The following SH3KBP1 variants were observed in gnomAD, a reference collection of about 807,000 sequenced individuals.
The protein encoded by SH3KBP1 is SH3 domain containing kinase binding protein 1.
SH3KBP1 carries 8 observed loss-of-function variants against 50.1 expected under a neutral mutation model. The observed-to-expected ratio is 0.16, with a 90% confidence interval of 0.09 to 0.29. The LOEUF (loss-of-function observed/expected upper bound fraction) is 0.29, where lower values mean the gene tolerates loss of function less well. Ranked by LOEUF, SH3KBP1 falls within the 10% of genes least tolerant of loss-of-function variation. SH3KBP1 has a pLI of 1.00. For synonymous variants in SH3KBP1, 227 were observed against 218.6 expected (o/e 1.04, Z -0.34); for missense variants, 377 against 535.2 (o/e 0.70, Z 2.92).
rs2061970223 is a variant in SH3KBP1 at position 19,645,518 on chromosome X, C to T, written c.727-43G>A. ...TGATTTTACTTATCAAGATGATTGT[C>T]TCCATTAAGCAAAGGAATAAGATCC... On this transcript the variant is annotated intron_variant, in intron 6 of 17. Transcript: ENST00000397821. 4.2e-6 allele frequency: 4 copies of T among 956,047 alleles called. No individual in the cohort carries two copies. The Admixed American group carries it at 9.4e-5, about 22-fold the overall frequency. 78.8% of individuals were successfully genotyped at this position (956,047 alleles called of 1,213,427 possible).
chrX:19,640,567 C>T (rs1037336230), intron 7 of SH3KBP1, among the ~76,000 whole-genome samples: 1 of 108,140 alleles, frequency 9.2e-6, no homozygotes, highest in African/African-American at 3.4e-5. Flanking sequence ...CTGGTCACAA[C>T]GAGCCAATAA....
chrX:19,775,209 C>G (rs1448250306), intron 2 of SH3KBP1, among the ~76,000 whole-genome samples: 2 of 111,562 alleles, frequency 1.8e-5, no homozygotes, highest in Non-Finnish European at 3.8e-5. Flanking sequence ...CCTGTAACAT[C>G]CACTCTGTTC....
At chrX:19,731,883 GAATGAAATGCAGCCCCAAATATATAAAAA>G (rs1454737694) in intron 3 of SH3KBP1, among the ~76,000 whole-genome samples, 1 of 111,644 alleles carries the variant, frequency 9.0e-6, no homozygotes, top group African/African-American at 3.3e-5. Context: ...TGCATTAATA[GAATGAAATGCAGCCCCAAATATATAAAAA>G]AATTCATTTA....
intron 6 of SH3KBP1, among the ~76,000 whole-genome samples, chrX:19,667,839 T>C (rs1310654428): frequency 1.1e-5 from 1 of 91,736 alleles, no homozygotes; most frequent in African/African-American, 4.8e-5. Context: ...TTTTTTTTTT[T>C]ACCGTATACT....
intron 12 of SH3KBP1, among the ~76,000 whole-genome samples, chrX:19,583,953 T>C (rs947747858): frequency 1.0e-5 from 1 of 96,859 alleles, no homozygotes; most frequent in Non-Finnish European, 2.0e-5. Flanking sequence ...TATAAATATA[T>C]ATTGTTAATA....
chrX:19,802,380 A>G (rs2066919698), intron 2 of SH3KBP1, among the ~76,000 whole-genome samples: 1 of 110,575 alleles, frequency 9.0e-6, no homozygotes, highest in Non-Finnish European at 1.9e-5. Context: ...ATTAAAATAA[A>G]ATAAAAATAA....
At chrX:19,863,159 C>T (rs1448420385) in intron 1 of SH3KBP1, among the ~76,000 whole-genome samples, 1 of 111,921 alleles carries the variant, frequency 8.9e-6, no homozygotes, top group Admixed American at 9.5e-5. Context: ...GGCCAGAGGG[C>T]TCAAGCTTTG....
At chrX:19,877,117 G>A (rs1351354341) in intron 1 of SH3KBP1, among the ~76,000 whole-genome samples, 2 of 112,204 alleles carry the variant, frequency 1.8e-5, no homozygotes, top group Non-Finnish European at 3.8e-5. Context: ...CTGTATTTGA[G>A]TTGACACCTC....
chrX:19,836,163 T>C lies in SH3KBP1; in HGVS notation c.124A>G (p.Asn42Asp). 1 of 1,211,319 alleles carries C rather than the reference T, an allele frequency of 8.3e-7. No individual in the cohort carries two copies. Among genetic ancestry groups the C allele is most frequent in the Non-Finnish European group, 1.1e-6 (1 of 895,256 alleles). Residue 42 changes from asparagine to aspartate, a missense_variant, in exon 2 of 18, where the codon AAC (asparagine) becomes GAC (aspartate). Coordinates refer to ENST00000397821, the MANE Select transcript of SH3KBP1 (RefSeq NM_031892.3). ...TCAGGGAACAAACCTCTCCTGCCGT[T>C]GATCTGTCCCTCCCACCAGCCTCCA... The part of the protein sequence containing the change: ...EDGGWWEGQI[N>D]GRRGLFPDNF...
chrX:19,782,985 C>T (rs1350708988), intron 2 of SH3KBP1, among the ~76,000 whole-genome samples: 1 of 111,760 alleles, frequency 8.9e-6, no homozygotes, highest in East Asian at 2.8e-4. Context: ...CGTGGTGGCG[C>T]GTGCACAGGC....
chrX:19,701,796 TCC>T lies in SH3KBP1; in HGVS notation c.390+5083_390+5084del, dbSNP rs1162427345. ...CAAGGGACAGGTTCTGTTCAATCAATCCCCAAATCTCAATAAACACAGTTTCT... is the reference window on the plus strand; with the variant it reads ...CAAGGGACAGGTTCTGTTCAATCAATCCAAATCTCAATAAACACAGTTTCT... On this transcript the variant is annotated intron_variant, in intron 4 of 17. Transcript: ENST00000397821. Among the ~76,000 whole-genome samples, 5 of 112,209 alleles carry T rather than the reference TCC, an allele frequency of 4.5e-5. No homozygotes were observed. The Admixed American group carries it at 4.7e-4, about 11-fold the overall frequency.
rs1366716960 is a variant in SH3KBP1, at chrX:19,838,872, G to A, written c.5-2590C>T. On this transcript the variant is annotated intron_variant, in intron 1 of 17. Coordinates refer to ENST00000397821, the MANE Select transcript of SH3KBP1 (RefSeq NM_031892.3). ...GCTGTACTCCAGCCTGGGGAAAAGA[G>A]CGAAACTTTGTCTCAAAAAAAAAAA... 3.4e-5 allele frequency among the ~76,000 whole-genome samples: 3 copies of A among 88,078 alleles called. No individual in the cohort carries two copies. In the Admixed American group the frequency reaches 4.0e-4, roughly 12 times the overall value. The allele number at this position is 88,078 out of a possible 115,157, so 76.5% of individuals were successfully genotyped here. A position where few individuals can be genotyped will look rare whatever the true frequency, so the allele number is the denominator to read the frequency against.
At chrX:19,730,605 GTGT>G (rs2064348354) in intron 3 of SH3KBP1, among the ~76,000 whole-genome samples, 1 of 111,873 alleles carries the variant, frequency 8.9e-6, no homozygotes, top group African/African-American at 3.3e-5. Flanking sequence ...CCCTGCTCTA[GTGT>G]TACAGAATCT....
intron 8 of SH3KBP1, among the ~76,000 whole-genome samples, chrX:19,611,132 T>C (rs1056749726): frequency 8.1e-5 from 9 of 111,134 alleles, no homozygotes; most frequent in African/African-American, 2.9e-4. Flanking sequence ...GGGATCCATC[T>C]GCCTCGGCCT....
rs1468889397 is a variant in SH3KBP1, at chrX:19,837,270, T to C, written c.5-988A>G. On this transcript the variant is annotated intron_variant, in intron 1 of 17. Transcript: ENST00000397821. ...CGCATCAATTCCATGTTACATTGTT[T>C]TCCTGATCTATGAAAATCTCTCATA... is the stretch of plus-strand genomic sequence containing the variant. Among the ~76,000 whole-genome samples the C allele has an allele frequency of 1.8e-5, 2 of 111,403 alleles. 1 individual carries two copies. Among genetic ancestry groups the C allele is most frequent in the Admixed American group, 1.9e-4 (2 of 10,467 alleles).
At chrX:19,542,550 T>TG (rs1486474213) in intron 15 of SH3KBP1, among the ~76,000 whole-genome samples, 2 of 110,582 alleles carry the variant, frequency 1.8e-5, no homozygotes, top group East Asian at 5.7e-4. Context: ...CAGAACCCAG[T>TG]GGGGCGCAGA....
At chrX:19,562,983 T>G (rs1288784681) in intron 13 of SH3KBP1, among the ~76,000 whole-genome samples, 1 of 111,994 alleles carries the variant, frequency 8.9e-6, no homozygotes, top group East Asian at 2.8e-4. Flanking sequence ...TGACGTAATC[T>G]CCCCCTGTTT....
chrX:19,631,685 G>A (rs1360970928), intron 8 of SH3KBP1, among the ~76,000 whole-genome samples, 179 bp downstream of exon 8: 1 of 112,273 alleles, frequency 8.9e-6, no homozygotes, highest in Non-Finnish European at 1.9e-5. Flanking sequence ...TCGTCTCAAC[G>A]AATGCATTCA....
At chrX:19,844,042 G>C (rs1408510768) in intron 1 of SH3KBP1, among the ~76,000 whole-genome samples, 1 of 111,520 alleles carries the variant, frequency 9.0e-6, no homozygotes, top group Non-Finnish European at 1.9e-5. Context: ...CATGGGGTGA[G>C]ATTCCTAGCT....
Sources: gnomAD v4.1 joint callset for allele counts (sites outside exome capture counted in the v4.1 genomes callset) on GRCh38, gnomAD v4.1.1 for gene constraint, MANE v1.5 for transcripts, NCBI Gene and HGNC (gene_info 2026-07-23, HGNC 2026-07-21) for gene names.